The following C1orf52 variants were observed in gnomAD, a reference collection of about 807,000 sequenced individuals.
C1orf52 encodes chromosome 1 open reading frame 52.
C1orf52 carries 5 observed loss-of-function variants against 17.2 expected under a neutral mutation model. That is an observed-to-expected ratio of 0.29 (90% CI 0.15 to 0.61). C1orf52 has a LOEUF of 0.61. Ranked by LOEUF, C1orf52 falls within the 20% of genes least tolerant of loss-of-function variation. The pLI is 0.85. For missense variants in C1orf52, 245 were observed against 234.1 expected, an observed-to-expected ratio of 1.05 and a Z score of -0.30; for synonymous variants, 110 against 88.0, an observed-to-expected ratio of 1.25 and a Z score of -1.40.
intron 2 of C1orf52, 117 bp from the exon 3 acceptor site, chr1:85,252,819 T>C (rs1205323700): frequency 6.0e-6 from 4 of 668,084 alleles, no homozygotes; most frequent in Non-Finnish European, 7.6e-6. Flanking sequence ...AATGTTTCTC[T>C]CAGAGTTTCC....
At chr1:85,257,371 A>C in intron 2 of C1orf52, 1 of 671,840 alleles carries the variant, frequency 1.5e-6, no homozygotes, top group South Asian at 1.7e-5. Context: ...GAATTAGTTT[A>C]CTAGCCAGAG....
Position 85,258,703 on chromosome 1 carries a change from A to G in C1orf52, c.296T>C (p.Ile99Thr), listed in dbSNP as rs766646041. ...AGGTGGTACATAATTTGACTTCCAT[A>G]TTTTGAATTCCTTTGGAGGCTGTTA... ...APEEPPKEFK[I>T]WKSNYVPPPE... is the part of the protein sequence containing the mutation. Residue 99 changes from isoleucine to threonine, a missense_variant, in exon 2 of 3, where the codon ATA (isoleucine) becomes ACA (threonine). Coordinates refer to ENST00000471115, the MANE Select transcript of C1orf52 (RefSeq NM_198077.4). 3 of 1,610,528 alleles carry G rather than the reference A, an allele frequency of 1.9e-6. No individual in the cohort carries two copies. In the African/African-American group the frequency reaches 4.0e-5, roughly 22 times the overall value.
At position 85,259,653 on chromosome 1, in the gene C1orf52, C is replaced by T; in HGVS notation, c.-20G>A. On this transcript the variant is annotated 5_prime_UTR_variant, in exon 1 of 3. Coordinates refer to ENST00000471115, the MANE Select transcript of C1orf52 (RefSeq NM_198077.4). ...TGCCATGACGGCTGCGAGCGACAAC[C>T]CAGCACTCCGCCGGAAGCCGGAAAC... 6.6e-7 allele frequency: 1 copy of T among 1,511,176 alleles called. No homozygotes were observed. Among genetic ancestry groups the T allele is most frequent in the Non-Finnish European group, 8.9e-7 (1 of 1,127,456 alleles). The allele number at this position is 1,511,176 out of a possible 1,614,324, so 93.6% of individuals were successfully genotyped here. A position where few individuals can be genotyped will look rare whatever the true frequency, so the allele number is the denominator to read the frequency against.
Position 85,259,617 on chromosome 1 carries a change from T to G in C1orf52, c.17A>C (p.Lys6Thr), listed in dbSNP as rs776481019. 4.5e-6 allele frequency: 7 copies of G among 1,564,196 alleles called. No individual in the cohort carries two copies. In the East Asian group the frequency reaches 1.7e-4, roughly 37 times the overall value. MAAEE[K>T]DPLSYFAAYG... The stretch of plus-strand genomic sequence containing the variant: ...TGCCGCAAAATAGCTCAGAGGGTCC[T>G]TCTCCTCCGCTGCCATGACGGCTGC... The change falls in exon 1 of 3, where the codon AAG (lysine) becomes ACG (threonine). Residue 6 changes from lysine to threonine, a missense_variant. By Grantham distance (78) the Lys-to-Thr change is moderately conservative (BLOSUM62 -1). Coordinates refer to ENST00000471115, the MANE Select transcript of C1orf52 (RefSeq NM_198077.4).
Position 85,258,670 on chromosome 1 carries a change from G to C in C1orf52, c.329C>G (p.Thr110Ser). Residue 110 changes from threonine (T) to serine (S), a missense_variant, in exon 2 of 3, where the codon ACC becomes AGC. Thr to Ser is a moderately conservative substitution (Grantham distance 58, BLOSUM62 1). Coordinates refer to ENST00000471115, the MANE Select transcript of C1orf52 (RefSeq NM_198077.4). ...CGGAGGCTTCTTCTCAGTGGTGTAGGTCTCAGGAGGTGGTACATAATTTGA... is the reference window on the plus strand; with the variant it reads ...CGGAGGCTTCTTCTCAGTGGTGTAGCTCTCAGGAGGTGGTACATAATTTGA... The part of the protein sequence containing the change: ...WKSNYVPPPE[T>S]YTTEKKPPPP... The C allele has an allele frequency of 6.3e-7, 1 of 1,593,134 alleles. No individual in the cohort carries two copies. The highest frequency in any genetic ancestry group is 8.5e-7 in the Non-Finnish European group (1 of 1,170,264).
chr1:85,254,069 T>C (rs1483043705), intron 2 of C1orf52, among the ~76,000 whole-genome samples: 1 of 152,202 alleles, frequency 6.6e-6, no homozygotes, highest in African/African-American at 2.4e-5. Flanking sequence ...AAATCATAAA[T>C]TCCTTGAAGG....
At chr1:85,258,793 C>T in intron 1 of C1orf52, 71 bp from the exon 2 acceptor site, 1 of 1,437,180 alleles carries the variant, frequency 7.0e-7, no homozygotes, top group Non-Finnish European at 9.2e-7. Flanking sequence ...GCACATGCAA[C>T]TCCCTGCCGT....
chr1:85,254,776 G>A (rs2100732203), intron 2 of C1orf52, among the ~76,000 whole-genome samples: 1 of 152,288 alleles, frequency 6.6e-6, no homozygotes, highest in Admixed American at 6.5e-5. Flanking sequence ...AAAGTACTAA[G>A]TTTACTATAA....
In C1orf52 at chr1:85,259,593, G is replaced by A. The variant is rs781590772; in HGVS notation, c.41C>T (p.Ala14Val). 20 of 1,592,014 alleles carry A rather than the reference G, an allele frequency of 1.3e-5. No individual in the cohort carries two copies. Among genetic ancestry groups the A allele is most frequent in the Non-Finnish European group, 1.6e-5 (19 of 1,170,304 alleles). The change falls in exon 1 of 3, where the codon GCA (alanine) becomes GTA (valine). Residue 14 changes from alanine to valine, a missense_variant. Coordinates refer to ENST00000471115, the MANE Select transcript of C1orf52 (RefSeq NM_198077.4). ...GGAGCCTGAGCTGCTGCTCCCGTAT[G>A]CCGCAAAATAGCTCAGAGGGTCCTT... ...EEKDPLSYFA[A>V]YGSSSSGSSD...
In C1orf52 at chr1:85,250,774, A is replaced by G. The variant is rs1659782545; in HGVS notation, c.*1855T>C. ...GATTTCTCCAGAGCTTGGGAATCAC[A>G]ACTTCACAAATATAACTTGATTTGG... On this transcript the variant is annotated 3_prime_UTR_variant, in exon 3 of 3. Coordinates refer to ENST00000471115, the MANE Select transcript of C1orf52 (RefSeq NM_198077.4). The G allele has an allele frequency of 1.3e-5, 2 of 152,202 alleles. No homozygotes were observed. The highest frequency in any genetic ancestry group is 4.8e-5 in the African/African-American group (2 of 41,446). 9.4% of individuals were successfully genotyped at this position (152,202 alleles called of 1,614,324 possible). A position where few individuals can be genotyped will look rare whatever the true frequency, so the allele number is the denominator to read the frequency against.
rs1271791175 is a variant in C1orf52 at position 85,259,469 on chromosome 1, C to T, written c.165G>A (p.Arg55=). The T allele has an allele frequency of 6.2e-7, 1 of 1,613,934 alleles. No homozygotes were observed. The highest frequency in any genetic ancestry group is 8.5e-7 in the Non-Finnish European group (1 of 1,180,020). ...AGGCRNKAEK[R]LPGPDELFRS... ...TAAACAGCTCGTCAGGTCCCGGGAG[C>T]CGCTTCTCCGCCTTGTTCCTACAGC... The change falls in exon 1 of 3, where the codon CGG becomes CGA. Residue 55 remains arginine (R), a synonymous_variant. Coordinates refer to ENST00000471115, the MANE Select transcript of C1orf52 (RefSeq NM_198077.4).
At position 85,252,608 on chromosome 1, in the gene C1orf52, A is replaced by G; in HGVS notation, c.*21T>C. On this transcript the variant is annotated 3_prime_UTR_variant, in exon 3 of 3. Coordinates refer to ENST00000471115, the MANE Select transcript of C1orf52 (RefSeq NM_198077.4). ...AACATTTCAACAAGTTTAGCAGTAC[A>G]GAAATTCTGGTCATTTGTTTCTACT... is the stretch of plus-strand genomic sequence containing the variant. 1 of 1,606,664 alleles carries G rather than the reference A, an allele frequency of 6.2e-7. No individual in the cohort carries two copies. Among genetic ancestry groups the G allele is most frequent in the South Asian group, 1.1e-5 (1 of 90,762 alleles).
At chr1:85,259,265 T>TG (rs1231409739) in intron 1 of C1orf52, 93 bp downstream of exon 1, 21 of 1,249,266 alleles carry the variant, frequency 1.7e-5, no homozygotes, top group Admixed American at 1.6e-4. Flanking sequence ...TGACTGCGTG[T>TG]GGGGGGATGG....
At chr1:85,254,053 G>A (rs1461628167) in intron 2 of C1orf52, among the ~76,000 whole-genome samples, 1 of 152,198 alleles carries the variant, frequency 6.6e-6, no homozygotes, top group East Asian at 1.9e-4. Context: ...AGGAACTACT[G>A]ACATCAAATC....
intron 1 of C1orf52, 174 bp downstream of exon 1, chr1:85,259,184 C>T: frequency 9.7e-6 from 11 of 1,132,240 alleles, no homozygotes; most frequent in Non-Finnish European, 1.3e-5. Flanking sequence ...CTAACACCCA[C>T]CAGGCGGGGA....
Position 85,251,139 on chromosome 1 carries a change from CG to C in C1orf52, c.*1489del, listed in dbSNP as rs1233611844. 6.6e-6 allele frequency: 1 copy of C among 151,902 alleles called. No homozygotes were observed. The highest frequency in any genetic ancestry group is 1.5e-5 in the Non-Finnish European group (1 of 68,000). 9.4% of individuals were successfully genotyped at this position (151,902 alleles called of 1,614,324 possible). On this transcript the variant is annotated 3_prime_UTR_variant, in exon 3 of 3. Transcript: ENST00000471115. ...CACATGCCTAGGTAAACAAATCTCG[CG>C]TAATTGTTCAAATTTTATCTTCCAC...
intron 2 of C1orf52, among the ~76,000 whole-genome samples, chr1:85,253,995 T>C (rs377624929): frequency 6.6e-6 from 1 of 152,366 alleles, no homozygotes; most frequent in South Asian, 2.1e-4. Context: ...TGTGGAGATC[T>C]ATAAAATATC....
At chr1:85,252,763 T>C (rs547407274) in intron 2 of C1orf52, 61 bp from the exon 3 acceptor site, 36 of 1,220,826 alleles carry the variant, frequency 2.9e-5, no homozygotes, top group Non-Finnish European at 3.8e-5. Context: ...ATGTTAAGCA[T>C]TAAAATTTCA....
chr1:85,253,076 T>C (rs535213844), intron 2 of C1orf52, among the ~76,000 whole-genome samples: 1 of 152,316 alleles, frequency 6.6e-6, no homozygotes, highest in South Asian at 2.1e-4. Context: ...TTTTAGGCTT[T>C]TAGCAGCCTG....
Sources: allele counts gnomAD v4.1 joint callset (sites outside exome capture counted in the v4.1 genomes callset), GRCh38; gene constraint gnomAD v4.1.1; transcripts MANE v1.5; gene names NCBI Gene and HGNC (gene_info 2026-07-23, HGNC 2026-07-21).